VAT1L: variants seen among roughly 807,000 people sequenced by gnomAD.
The protein encoded by VAT1L is putative NADPH-dependent quinone oxidoreductase VAT1L.
In VAT1L, 34 loss-of-function variants were observed where a neutral mutation model predicts 44.1. The observed-to-expected ratio is 0.77, with a 90% CI of 0.59 to 1.03. The LOEUF is 1.03. VAT1L is among the 50% of genes least tolerant of loss of function. VAT1L has a pLI of 0.00. For synonymous variants in VAT1L, 253 were observed against 202.2 expected, an observed-to-expected ratio of 1.25 and a Z score of -2.13; for missense variants, 615 against 538.8, an observed-to-expected ratio of 1.14 and a Z score of -1.40.
chr16:77,854,315 C>A (rs889241098), intron 3 of VAT1L, among the ~76,000 whole-genome samples: 2 of 152,084 alleles, frequency 1.3e-5, no homozygotes, highest in African/African-American at 4.8e-5. Context: ...TTTGCAGTGA[C>A]AAACAAAGAA....
intron 4 of VAT1L, among the ~76,000 whole-genome samples, chr16:77,871,646 C>T (rs994017127): frequency 1.3e-5 from 2 of 152,110 alleles, no homozygotes; most frequent in African/African-American, 4.8e-5. Flanking sequence ...CCTCATTTTC[C>T]TTGTCTATCA....
At chr16:77,963,056 G>T (rs751549686) in intron 7 of VAT1L, among the ~76,000 whole-genome samples, 1 of 152,208 alleles carries the variant, frequency 6.6e-6, no homozygotes, top group Non-Finnish European at 1.5e-5. Context: ...TCCTAAAGAG[G>T]CTTCTAGTGG....
In VAT1L at chr16:77,825,526, C is replaced by T; in HGVS notation, c.579+65C>T. The T allele has an allele frequency of 1.2e-5, 18 of 1,519,020 alleles. No individual in the cohort carries two copies. In the South Asian group the frequency reaches 2.1e-4, roughly 17 times the overall value. 94.1% of individuals were successfully genotyped at this position (1,519,020 alleles called of 1,614,324 possible). ...GATGGTGGAAGTGGAGTGACACCCC[C>T]CTGAGGTCTTATGTGAGCTATGTCC... On this transcript the variant is annotated intron_variant, in intron 3 of 8. Coordinates refer to ENST00000302536, the MANE Select transcript of VAT1L (RefSeq NM_020927.3).
chr16:77,921,047 G>A (rs1385727359), intron 7 of VAT1L, among the ~76,000 whole-genome samples: 1 of 152,052 alleles, frequency 6.6e-6, no homozygotes, highest in Non-Finnish European at 1.5e-5. Context: ...GATCAGCAGT[G>A]GCAAATCAGC....
At chr16:77,857,042 C>T (rs1397579932) in intron 3 of VAT1L, among the ~76,000 whole-genome samples, 5 of 152,100 alleles carry the variant, frequency 3.3e-5, no homozygotes, top group African/African-American at 1.2e-4. Flanking sequence ...CATGGTGGGA[C>T]AAAAGAAGCC....
At chr16:77,854,267 C>T (rs1947772) in intron 3 of VAT1L, among the ~76,000 whole-genome samples, 16,041 of 152,230 alleles carry the variant, frequency 0.11, 1,252 homozygotes, top group East Asian at 0.38. Context: ...TTCTCGGCAC[C>T]TGTGTGTCAC....
chr16:77,918,313 T>C (rs2017571876), intron 7 of VAT1L, among the ~76,000 whole-genome samples: 1 of 152,232 alleles, frequency 6.6e-6, no homozygotes, highest in Non-Finnish European at 1.5e-5. Flanking sequence ...TCCCAATTAA[T>C]GGTGCTACCA....
At chr16:77,890,215 C>A (rs372211589) in intron 7 of VAT1L, among the ~76,000 whole-genome samples, 82 of 152,024 alleles carry the variant, frequency 5.4e-4, no homozygotes, top group African/African-American at 1.9e-3. Flanking sequence ...ATATGACAAG[C>A]AGGAGGCACA....
intron 3 of VAT1L, among the ~76,000 whole-genome samples, chr16:77,856,463 G>C (rs559666725): frequency 4.6e-5 from 7 of 152,136 alleles, no homozygotes; most frequent in African/African-American, 1.4e-4. Flanking sequence ...GCTAAAAACT[G>C]CTCCTTACTC....
chr16:77,815,514 T>C (rs2145233592), intron 1 of VAT1L, among the ~76,000 whole-genome samples: 1 of 152,310 alleles, frequency 6.6e-6, no homozygotes, highest in East Asian at 1.9e-4. Context: ...TTTGAGAAGG[T>C]GGTGAGTTTT....
At chr16:77,878,413 C>T (rs2017111988) in intron 5 of VAT1L, among the ~76,000 whole-genome samples, 1 of 152,114 alleles carries the variant, frequency 6.6e-6, no homozygotes, top group Non-Finnish European at 1.5e-5. Flanking sequence ...GAAAAAGCAC[C>T]TGTATGGTAT....
At chr16:77,949,813 C>A (rs1198812712) in intron 7 of VAT1L, among the ~76,000 whole-genome samples, 4 of 152,204 alleles carry the variant, frequency 2.6e-5, no homozygotes, top group Non-Finnish European at 4.4e-5. Flanking sequence ...TCTTTTATAA[C>A]AACACAAAGG....
chr16:77,794,108 A>T (rs1466919977), intron 1 of VAT1L, among the ~76,000 whole-genome samples: 1 of 152,204 alleles, frequency 6.6e-6, no homozygotes, highest in Non-Finnish European at 1.5e-5. Context: ...TCAGACAGAC[A>T]CAGTGACAAA....
At position 77,979,922 on chromosome 16, in the gene VAT1L, G is replaced by A. The variant is rs2018382043; in HGVS notation, c.*2227G>A. ...CTTGATTGTTTTTTCTGAAGGAAGT[G>A]TAAAGAATGTCTCAGTCTGCCTTAA... On this transcript the variant is annotated 3_prime_UTR_variant, in exon 9 of 9. Coordinates refer to ENST00000302536, the MANE Select transcript of VAT1L (RefSeq NM_020927.3). The A allele has an allele frequency of 6.6e-6, 1 of 152,630 alleles. No homozygotes were observed. The highest frequency in any genetic ancestry group is 1.9e-4 in the East Asian group (1 of 5,194). 9.5% of individuals were successfully genotyped at this position (152,630 alleles called of 1,614,324 possible).
Position 77,858,099 on chromosome 16 carries a change from G to A in VAT1L, c.580-4649G>A, listed in dbSNP as rs555271349. On this transcript the variant is annotated intron_variant, in intron 3 of 8. Coordinates refer to ENST00000302536, the MANE Select transcript of VAT1L (RefSeq NM_020927.3). ...GCACTGGGCACAGGAGCAGAGGGCC[G>A]GTGGAGACACAGTCCCTGCCCCCAC... Among the ~76,000 whole-genome samples the A allele has an allele frequency of 1.1e-4, 17 of 152,284 alleles. No homozygotes were observed. In the South Asian group the frequency reaches 2.7e-3, roughly 24 times the overall value.
At chr16:77,939,750 A>G (rs575398763) in intron 7 of VAT1L, among the ~76,000 whole-genome samples, 1 of 152,280 alleles carries the variant, frequency 6.6e-6, no homozygotes, top group Non-Finnish European at 1.5e-5. Flanking sequence ...CACTCAATTT[A>G]TTGTCTTATA....
At chr16:77,927,558 C>T (rs959083513) in intron 7 of VAT1L, among the ~76,000 whole-genome samples, 1 of 152,034 alleles carries the variant, frequency 6.6e-6, no homozygotes, top group African/African-American at 2.4e-5. Flanking sequence ...ATCAGGCCGC[C>T]TGTCCTGATT....
intron 7 of VAT1L, among the ~76,000 whole-genome samples, chr16:77,918,264 G>A (rs2017571436): frequency 6.6e-6 from 1 of 152,174 alleles, no homozygotes; most frequent in South Asian, 2.1e-4. Flanking sequence ...AATAAGCTAA[G>A]TACTGATTCA....
intron 1 of VAT1L, among the ~76,000 whole-genome samples, chr16:77,813,749 A>C (rs1435483883): frequency 6.6e-6 from 1 of 152,058 alleles, no homozygotes; most frequent in Non-Finnish European, 1.5e-5. Context: ...TGTGTTTCCC[A>C]ATTCATAGTT....
Sources: allele counts gnomAD v4.1 joint callset (sites outside exome capture counted in the v4.1 genomes callset), GRCh38; gene constraint gnomAD v4.1.1; transcripts MANE v1.5; gene names NCBI Gene and HGNC (gene_info 2026-07-23, HGNC 2026-07-21).